Variants in VPS52 observed in about 807,000 individuals in gnomAD.
VPS52 encodes the protein VPS52 subunit of GARP complex, also known as vacuolar protein sorting-associated protein 52 homolog.
Under a neutral mutation model 98.7 loss-of-function variants are expected in VPS52, and 56 were observed. That is an observed-to-expected ratio of 0.57 (90% CI 0.46 to 0.71). The LOEUF is 0.71. Ranked by LOEUF, VPS52 falls within the 30% of genes least tolerant of loss-of-function variation. The pLI is 0.00. For synonymous variants in VPS52, 348 were observed against 346.4 expected, an observed-to-expected ratio of 1.00 and a Z score of -0.05; for missense variants, 742 against 925.9, an observed-to-expected ratio of 0.80 and a Z score of 2.58.
At chr6:33,251,785 G>A in intron 18 of VPS52, 75 bp downstream of exon 18, 1 of 1,503,762 alleles carries the variant, frequency 6.6e-7, no homozygotes, top group Non-Finnish European at 9.3e-7. Flanking sequence ...CCCCCACCAT[G>A]TAATCTGCAT....
intron 17 of VPS52, chr6:33,254,850 AT>A (rs1366764335): frequency 1.5e-5 from 2 of 129,560 alleles, no homozygotes; most frequent in Admixed American, 7.7e-5. Flanking sequence ...TTTTTTTTTT[AT>A]TTTTTGTAGA....
chr6:33,270,529 C>A (rs538427291), intron 1 of VPS52, among the ~76,000 whole-genome samples: 48 of 152,256 alleles, frequency 3.2e-4, no homozygotes, highest in African/African-American at 1.0e-3. Flanking sequence ...TGGTGGTGGG[C>A]TCCTTGTAGT....
chr6:33,270,107 T>G (rs1441532842), intron 2 of VPS52, 56 bp from the exon 3 acceptor site: 2 of 1,613,348 alleles, frequency 1.2e-6, no homozygotes, highest in Non-Finnish European at 1.7e-6. Context: ...CTCCCCACAT[T>G]GAGTATCTGC....
At chr6:33,264,270 C>A in intron 14 of VPS52, 104 bp downstream of exon 14, 1 of 1,571,766 alleles carries the variant, frequency 6.4e-7, no homozygotes, top group Non-Finnish European at 8.7e-7. Flanking sequence ...AGAACACCTG[C>A]TCATAGCGTG....
At chr6:33,256,463 CAAA>C (rs9280385) in intron 17 of VPS52, among the ~76,000 whole-genome samples, 2 of 83,742 alleles carry the variant, frequency 2.4e-5, no homozygotes, top group African/African-American at 1.1e-4. Flanking sequence ...AAACCTGTCT[CAAA>C]AAAAAAAAAA....
chr6:33,261,328 G>A (rs1386822275), intron 17 of VPS52, among the ~76,000 whole-genome samples: 5 of 151,920 alleles, frequency 3.3e-5, no homozygotes, highest in East Asian at 2.0e-4. Context: ...CTAGCCCGGC[G>A]TGGTGGCAGG....
intron 17 of VPS52, among the ~76,000 whole-genome samples, chr6:33,260,406 G>A (rs1763489447): frequency 6.8e-6 from 1 of 147,938 alleles, no homozygotes; most frequent in African/African-American, 2.5e-5. Flanking sequence ...TCTCATCAGT[G>A]TTTATATCAT....
In VPS52 at chr6:33,254,465, C is replaced by A. The variant is rs375384090; in HGVS notation, c.1795-2494G>T. Among the ~76,000 whole-genome samples the A allele has an allele frequency of 4.0e-4, 61 of 152,156 alleles. 1 individual carries two copies. In the South Asian group the frequency reaches 5.4e-3, roughly 13 times the overall value. Reference sequence around the variant, plus strand: ...AACCAAATTCAACCTATTACAGTTGCCTAAATGCAGTCTCACACACACATA... The same window carrying A: ...AACCAAATTCAACCTATTACAGTTGACTAAATGCAGTCTCACACACACATA... On this transcript the variant is annotated intron_variant, in intron 17 of 19. Coordinates refer to ENST00000445902, the MANE Select transcript of VPS52 (RefSeq NM_022553.6).
Sources: allele counts gnomAD v4.1 joint callset (sites outside exome capture counted in the v4.1 genomes callset), GRCh38; gene constraint gnomAD v4.1.1; transcripts MANE v1.5; gene names NCBI Gene and HGNC (gene_info 2026-07-23, HGNC 2026-07-21).